AHNAK2: variants seen among roughly 807,000 people sequenced by gnomAD.
AHNAK2 encodes the protein AHNAK nucleoprotein 2.
Under a neutral mutation model 30.7 loss-of-function variants are expected in AHNAK2, and 18 were observed. That is an observed-to-expected ratio of 0.59 (90% CI 0.41 to 0.87). The LOEUF is 0.87. Ranked by LOEUF, AHNAK2 falls within the 40% of genes least tolerant of loss-of-function variation. AHNAK2 has a pLI of 0.00. For missense variants in AHNAK2, 8,604 were observed against 7,373.0 expected, an observed-to-expected ratio of 1.17 and a Z score of -6.11; for synonymous variants, 3,590 against 3,073.8, an observed-to-expected ratio of 1.17 and a Z score of -5.56.
Position 104,942,533 on chromosome 14 carries a change from C to A in AHNAK2, c.12918G>T (p.Pro4306=), listed in dbSNP as rs371596783. ...TGCCTGGGGCAGACACCCCGAACGA[C>A]GGCATCTTGAACTTGGGCATTTTGA... ...SKFKMPKFKM[P]SFGVSAPGKS... is the part of the protein sequence containing the mutation. The change falls in exon 7 of 7, where the codon CCG becomes CCT. Residue 4306 remains proline (P), a synonymous_variant. Transcript: ENST00000333244. 6.2e-7 allele frequency: 1 copy of A among 1,609,120 alleles called. No individual in the cohort carries two copies. Among genetic ancestry groups the A allele is most frequent in the Admixed American group, 1.7e-5 (1 of 59,406 alleles).
chr14:104,941,765 C>A lies in AHNAK2; in HGVS notation c.13686G>T (p.Lys4562Asn). Residue 4562 changes from lysine (K) to asparagine (N), a missense_variant, in exon 7 of 7, where the codon AAG becomes AAT. By Grantham distance (94) the Lys-to-Asn change is moderately conservative. Transcript: ENST00000333244. ...PSFKMPKVDLKGPQVDVKGPK... is the reference protein window; with the variant it reads ...PSFKMPKVDLNGPQVDVKGPK... The stretch of plus-strand genomic sequence containing the variant: ...GGCCCTTGACGTCCACCTGGGGGCC[C>A]TTGAGGTCCACTTTGGGCATCTTGA... The A allele has an allele frequency of 6.2e-7, 1 of 1,613,720 alleles. No homozygotes were observed. Among genetic ancestry groups the A allele is most frequent in the Non-Finnish European group, 8.5e-7 (1 of 1,179,816 alleles).
chr14:104,958,258 C>G (rs10400718), intron 1 of AHNAK2, among the ~76,000 whole-genome samples: 16,344 of 152,022 alleles, frequency 0.11, 2,008 homozygotes, highest in East Asian at 0.47. Flanking sequence ...AGACCAGCCT[C>G]ACCAACATGG....
At chr14:104,965,920 G>A (rs1334682508) in intron 1 of AHNAK2, among the ~76,000 whole-genome samples, 1 of 152,204 alleles carries the variant, frequency 6.6e-6, no homozygotes, top group Non-Finnish European at 1.5e-5. Flanking sequence ...ACTGTGGGTT[G>A]CTGGGCTACA....
intron 1 of AHNAK2, among the ~76,000 whole-genome samples, chr14:104,960,241 T>C (rs1899098286): frequency 6.6e-6 from 1 of 152,194 alleles, no homozygotes; most frequent in Non-Finnish European, 1.5e-5. Flanking sequence ...GGGTATACAG[T>C]CAGCCTCTCA....
rs760442167 is a variant in AHNAK2 at position 104,952,611 on chromosome 14, C to A, written c.2840G>T (p.Gly947Val). The part of the protein sequence containing the change: ...DVKGPKLDLK[G>V]PKAEVTAPDG... Reference sequence around the variant, plus strand: ...GGGGGCTGTCACTTCCGCCTTGGGGCCTTTCAGGTCCAGCTTGGGGCCCTT... The same window carrying A: ...GGGGGCTGTCACTTCCGCCTTGGGGACTTTCAGGTCCAGCTTGGGGCCCTT... Residue 947 changes from glycine to valine, a missense_variant, in exon 7 of 7, where the codon GGC (glycine) becomes GTC (valine). Coordinates refer to ENST00000333244, the MANE Select transcript of AHNAK2 (RefSeq NM_138420.4). 114 of 1,612,376 alleles carry A rather than the reference C, an allele frequency of 7.1e-5. 2 individuals carry two copies. The highest frequency in any genetic ancestry group is 8.8e-5 in the Non-Finnish European group (104 of 1,179,618).
Position 104,949,732 on chromosome 14 carries a change from G to A in AHNAK2, c.5719C>T (p.Pro1907Ser), listed in dbSNP as rs1289190103. 2.3e-5 allele frequency: 36 copies of A among 1,587,414 alleles called. 4 individuals carry two copies. The highest frequency in any genetic ancestry group is 5.2e-5 in the Admixed American group (3 of 57,524). The part of the protein sequence containing the change: ...PEGAGLKGHL[P>S]KVDMPSFKMP... Reference sequence around the variant, plus strand: ...TTGAAACTGGGCATATCCACCTTGGGCAAGTGCCCTTTGAGGCCGGCTCCC... The same window carrying A: ...TTGAAACTGGGCATATCCACCTTGGACAAGTGCCCTTTGAGGCCGGCTCCC... The change falls in exon 7 of 7, where the codon CCC becomes TCC. Residue 1907 changes from proline (P) to serine (S), a missense_variant. Coordinates refer to ENST00000333244, the MANE Select transcript of AHNAK2 (RefSeq NM_138420.4).
rs1052749191 is a variant in AHNAK2, at chr14:104,938,879, T to G, written c.16572A>C (p.Lys5524Asn). The G allele has an allele frequency of 1.2e-6, 2 of 1,613,676 alleles. No individual in the cohort carries two copies. Among genetic ancestry groups the G allele is most frequent in the Non-Finnish European group, 1.7e-6 (2 of 1,179,876 alleles). ...PSYGFSLLKV[K>N]IPEPHTQARV... ...TAGCCTGCGTGTGGGGCTCTGGGAT[T>G]TTCACTTTTAATAAGGAAAATCCGT... The change falls in exon 7 of 7, where the codon AAA (lysine) becomes AAC (asparagine). Residue 5524 changes from lysine (K) to asparagine (N), a missense_variant. By Grantham distance (94) the Lys-to-Asn change is moderately conservative (BLOSUM62 0). Coordinates refer to ENST00000333244, the MANE Select transcript of AHNAK2 (RefSeq NM_138420.4).
chr14:104,951,920 GGC>G lies in AHNAK2; in HGVS notation c.3529_3530del (p.Ala1177ProfsTer33), dbSNP rs747933996. ...KFKMPSFGAS[A>X]PGKSIEASVD... The stretch of plus-strand genomic sequence containing the variant: ...CCGAGGCCTCGATGGACTTGCCTGG[GGC>G]TGACGCCCCGAACGATGGCATCTTG... On this transcript the variant is annotated frameshift_variant, in exon 7 of 7. Coordinates refer to ENST00000333244, the MANE Select transcript of AHNAK2 (RefSeq NM_138420.4). LOFTEE classifies it low-confidence loss of function (END_TRUNC). The G allele has an allele frequency of 1.9e-6, 3 of 1,609,896 alleles. No individual in the cohort carries two copies. Among genetic ancestry groups the G allele is most frequent in the South Asian group, 1.1e-5 (1 of 90,684 alleles).
Position 104,978,352 on chromosome 14 carries a change from C to T in AHNAK2, c.-115G>A. The T allele has an allele frequency of 1.6e-5, 12 of 746,692 alleles. No individual in the cohort carries two copies. The highest frequency in any genetic ancestry group is 2.0e-5 in the Non-Finnish European group (12 of 602,066). 46.3% of individuals were successfully genotyped at this position (746,692 alleles called of 1,614,324 possible). A position where few individuals can be genotyped will look rare whatever the true frequency, so the allele number is the denominator to read the frequency against. On this transcript the variant is annotated 5_prime_UTR_variant, in exon 1 of 7. Transcript: ENST00000333244. ...CGCTCTGCCCCGCTGCCCTGCGCTG[C>T]CGCGGGCGGCCGACCTCGGACTGCG...
rs1850709865 is a variant in AHNAK2 at position 104,966,350 on chromosome 14, G to C, written c.56-8678C>G. On this transcript the variant is annotated intron_variant, in intron 1 of 6. Coordinates refer to ENST00000333244, the MANE Select transcript of AHNAK2 (RefSeq NM_138420.4). The surrounding 1 kb of genome is among the most constrained non-coding windows in gnomAD (Gnocchi z 4.3). ...AGCCTTGCCCACGGTGTCAGCCCAAGAATTGTACCCCTGGCAACCCCACAA... is the reference window on the plus strand; with the variant it reads ...AGCCTTGCCCACGGTGTCAGCCCAACAATTGTACCCCTGGCAACCCCACAA... Among the ~76,000 whole-genome samples the C allele has an allele frequency of 6.6e-6, 1 of 151,982 alleles. No homozygotes were observed. Among genetic ancestry groups the C allele is most frequent in the African/African-American group, 2.4e-5 (1 of 41,362 alleles).
rs201717878 is a variant in AHNAK2 at position 104,941,107 on chromosome 14, A to C, written c.14344T>G (p.Ser4782Ala). 54 of 1,613,572 alleles carry C rather than the reference A, an allele frequency of 3.3e-5. No individual in the cohort carries two copies. Among genetic ancestry groups the C allele is most frequent in the Non-Finnish European group, 3.4e-6 (4 of 1,179,910 alleles). ...ACATCCTCACAGGGAGAGAGAATAG[A>C]AGATTCAAAGTGAGGACCAGTGAGA... ...LDLTGPHFES[S>A]ILSPCEDVTL... Residue 4782 changes from serine (S) to alanine (A), a missense_variant, in exon 7 of 7, where the codon TCT (serine) becomes GCT (alanine). Physicochemically the swap from Ser to Ala is moderately conservative, Grantham distance 99 (BLOSUM62 1). Coordinates refer to ENST00000333244, the MANE Select transcript of AHNAK2 (RefSeq NM_138420.4).
rs191856305 is a variant in AHNAK2, at chr14:104,952,730, G to A, written c.2721C>T (p.Pro907=). 75 of 1,612,762 alleles carry A rather than the reference G, an allele frequency of 4.7e-5. No individual in the cohort carries two copies. The Middle Eastern group carries it at 1.2e-3, about 25-fold the overall frequency. Residue 907 remains proline (P), a synonymous_variant, in exon 7 of 7, where the codon CCC becomes CCT. Coordinates refer to ENST00000333244, the MANE Select transcript of AHNAK2 (RefSeq NM_138420.4). The part of the protein sequence containing the change: ...VDVKLPEGPV[P]EGAGPKVHLP... Reference sequence around the variant, plus strand: ...GGTGCACTTTGGGGCCGGCTCCCTCGGGCACAGGGCCCTCCGGAAGTTTCA... The same window carrying A: ...GGTGCACTTTGGGGCCGGCTCCCTCAGGCACAGGGCCCTCCGGAAGTTTCA...
intron 1 of AHNAK2, among the ~76,000 whole-genome samples, chr14:104,967,060 C>A (rs1899324534): frequency 6.6e-6 from 1 of 152,210 alleles, no homozygotes; most frequent in African/African-American, 2.4e-5. Flanking sequence ...AGCTGCTCCC[C>A]TGGCAGCAGG....
At position 104,960,446 on chromosome 14, in the gene AHNAK2, G is replaced by C. The variant is rs565562891; in HGVS notation, c.56-2774C>G. Among the ~76,000 whole-genome samples, 277 of 152,298 alleles carry C rather than the reference G, an allele frequency of 1.8e-3. 2 individuals are homozygous for C. The highest frequency in any genetic ancestry group is 6.4e-3 in the African/African-American group (267 of 41,570). On this transcript the variant is annotated intron_variant, in intron 1 of 6. Transcript: ENST00000333244. Reference sequence around the variant, plus strand: ...TAATCTAGAGATGATTTAAAGTATAGGGGAGGGAAGATGTATGTAGGTTAT... The same window carrying C: ...TAATCTAGAGATGATTTAAAGTATACGGGAGGGAAGATGTATGTAGGTTAT...
chr14:104,943,001 C>T lies in AHNAK2; in HGVS notation c.12450G>A (p.Lys4150=), dbSNP rs745955259. The T allele has an allele frequency of 6.2e-7, 1 of 1,613,294 alleles. No homozygotes were observed. The highest frequency in any genetic ancestry group is 8.5e-7 in the Non-Finnish European group (1 of 1,179,652). The stretch of plus-strand genomic sequence containing the variant: ...ACACATCCACGGACGCCTCCATGGA[C>T]TTGCCTGGGGCCGACACCCCGAATG... The part of the protein sequence containing the change: ...MPSFGVSAPG[K]SMEASVDVSE... Residue 4150 remains lysine (K), a synonymous_variant, in exon 7 of 7, where the codon AAG becomes AAA. Coordinates refer to ENST00000333244, the MANE Select transcript of AHNAK2 (RefSeq NM_138420.4).
At chr14:104,971,993 TGA>T (rs1471375607) in intron 1 of AHNAK2, among the ~76,000 whole-genome samples, 7 of 152,174 alleles carry the variant, frequency 4.6e-5, no homozygotes. Context: ...AAGGTGCAGC[TGA>T]GAGGGCTGCC....
At position 104,942,871 on chromosome 14, in the gene AHNAK2, C is replaced by G. The variant is rs764961647; in HGVS notation, c.12580G>C (p.Ala4194Pro). ...QSPSADLEVQAGQVDVKLPEG... is the reference protein window; with the variant it reads ...QSPSADLEVQPGQVDVKLPEG... ...GGGAGTTTCACGTCCACTTGGCCAG[C>G]CTGGACCTCCAGGTCGGCGGAAGGG... Residue 4194 changes from alanine (A) to proline (P), a missense_variant, in exon 7 of 7, where the codon GCT (alanine) becomes CCT (proline). Coordinates refer to ENST00000333244, the MANE Select transcript of AHNAK2 (RefSeq NM_138420.4). The G allele has an allele frequency of 6.8e-6, 11 of 1,612,682 alleles. 1 individual carries two copies. The highest frequency in any genetic ancestry group is 1.6e-4 in the Middle Eastern group (1 of 6,070).
rs117379881 is a variant in AHNAK2, at chr14:104,949,408, C to G, written c.6043G>C (p.Ala2015Pro). The change falls in exon 7 of 7, where the codon GCA becomes CCA. Residue 2015 changes from alanine (A) to proline (P), a missense_variant. By Grantham distance (27) the Ala-to-Pro change is conservative (BLOSUM62 -1). Transcript: ENST00000333244. ...RSIEASVDVPAPKVEADVSLP... is the reference protein window; with the variant it reads ...RSIEASVDVPPPKVEADVSLP... ...CTCACGTCGGCCTCCACCTTGGGTG[C>G]AGGCACATCCACCGAGGCCTCGATG... 0.51 allele frequency: 810,559 copies of G among 1,578,972 alleles called. 258,746 individuals are homozygous for G. Among genetic ancestry groups the G allele is most frequent in the Middle Eastern group, 0.59 (3,543 of 6,000 alleles).
Position 104,954,073 on chromosome 14 carries a change from T to C in AHNAK2, c.1378A>G (p.Ile460Val). The C allele has an allele frequency of 6.2e-7, 1 of 1,613,348 alleles. No individual in the cohort carries two copies. Among genetic ancestry groups the C allele is most frequent in the Non-Finnish European group, 8.5e-7 (1 of 1,179,804 alleles). The change falls in exon 7 of 7, where the codon ATC becomes GTC. Residue 460 changes from isoleucine to valine, a missense_variant. Transcript: ENST00000333244. This position sits in a 1 kb window ranked among gnomAD's most constrained non-coding sequence, Gnocchi z 4.3. The part of the protein sequence containing the change: ...GEGEGLQSLE[I>V]GIARLSLRDT... ...CTCAAGGACAGTCTGGCGATCCCGA[T>C]TTCCAGGCTCTGCAGTCCCTCGCCT... is the stretch of plus-strand genomic sequence containing the variant.
Sources: allele counts gnomAD v4.1 joint callset (sites outside exome capture counted in the v4.1 genomes callset), GRCh38; gene constraint gnomAD v4.1.1; non-coding constraint Gnocchi (gnomAD v3.1); transcripts MANE v1.5; gene names NCBI Gene and HGNC (gene_info 2026-07-23, HGNC 2026-07-21).